Variants in GPR176 observed in about 807,000 individuals in gnomAD.
GPR176 encodes the protein G protein-coupled receptor 176.
A neutral mutation model predicts 35.4 loss-of-function variants in GPR176; 26 were observed. That is an observed-to-expected ratio of 0.74 (90% confidence interval 0.54 to 1.02). The LOEUF is 1.02. Ranked by LOEUF, GPR176 falls within the 50% of genes least tolerant of loss-of-function variation. The pLI is 0.00. For synonymous variants in GPR176, 278 were observed against 271.3 expected (o/e 1.02, Z -0.24); for missense variants, 597 against 665.3 (o/e 0.90, Z 1.13).
intron 1 of GPR176, among the ~76,000 whole-genome samples, chr15:39,875,089 C>T (rs1007372042): frequency 1.3e-5 from 2 of 152,138 alleles, no homozygotes; most frequent in East Asian, 1.9e-4. Context: ...TTCCAGCAAA[C>T]GTGAGTCTAC....
At chr15:39,866,653 A>G (rs1247205193) in intron 1 of GPR176, among the ~76,000 whole-genome samples, 1 of 152,214 alleles carries the variant, frequency 6.6e-6, no homozygotes, top group Non-Finnish European at 1.5e-5. Flanking sequence ...ATATGTATAA[A>G]AGTACCAACT....
At chr15:39,868,581 A>G (rs903018723) in intron 1 of GPR176, among the ~76,000 whole-genome samples, 3 of 152,200 alleles carry the variant, frequency 2.0e-5, no homozygotes, top group African/African-American at 4.8e-5. Flanking sequence ...CCAATGCTTT[A>G]TGCATACAGT....
intron 1 of GPR176, among the ~76,000 whole-genome samples, chr15:39,892,879 T>C (rs1167834330): frequency 6.6e-6 from 1 of 152,216 alleles, no homozygotes; most frequent in East Asian, 1.9e-4. Flanking sequence ...TTGTAGGAGT[T>C]TGTTACAGCA....
At chr15:39,842,567 A>C (rs906145452) in intron 1 of GPR176, among the ~76,000 whole-genome samples, 2 of 152,026 alleles carry the variant, frequency 1.3e-5, no homozygotes, top group Non-Finnish European at 2.9e-5. Flanking sequence ...CATGAATGGG[A>C]TTAGTACTCT....
rs568304142 is a variant in GPR176 at position 39,856,086 on chromosome 15, T to C, written c.173-48828A>G. ...ACCCAGGCAATTGATTCCAGAACCA[T>C]GCTCAAAACGACAGCAGTATGCCAC... On this transcript the variant is annotated intron_variant, in intron 1 of 2. Coordinates refer to ENST00000561100, the MANE Select transcript of GPR176 (RefSeq NM_007223.3). Among the ~76,000 whole-genome samples the C allele has an allele frequency of 2.0e-5, 3 of 152,286 alleles. No homozygotes were observed. In the East Asian group the frequency reaches 5.8e-4, roughly 29 times the overall value.
chr15:39,912,021 C>T (rs184859018), intron 1 of GPR176, among the ~76,000 whole-genome samples: 1 of 152,286 alleles, frequency 6.6e-6, no homozygotes, highest in East Asian at 1.9e-4. Context: ...GAATGGAATA[C>T]AGATACTGCT....
intron 1 of GPR176, among the ~76,000 whole-genome samples, chr15:39,895,137 G>A (rs1044234613): frequency 1.3e-5 from 2 of 152,178 alleles, no homozygotes; most frequent in Non-Finnish European, 2.9e-5. Context: ...GGAGAATCAG[G>A]CAGGGAGGTT....
At chr15:39,869,991 G>T (rs947960632) in intron 1 of GPR176, among the ~76,000 whole-genome samples, 3 of 152,134 alleles carry the variant, frequency 2.0e-5, no homozygotes, top group Admixed American at 6.5e-5. Flanking sequence ...GTTCTGGAGG[G>T]CAGAAGTCCA....
At chr15:39,841,524 C>T (rs1431119860) in intron 1 of GPR176, among the ~76,000 whole-genome samples, 1 of 152,092 alleles carries the variant, frequency 6.6e-6, no homozygotes, top group Non-Finnish European at 1.5e-5. Context: ...GGAAGACCCA[C>T]AGGAAGAAGG....
intron 1 of GPR176, among the ~76,000 whole-genome samples, chr15:39,823,039 G>C (rs1900382251): frequency 6.6e-6 from 1 of 152,228 alleles, no homozygotes; most frequent in Non-Finnish European, 1.5e-5. Flanking sequence ...CTTATGTCCA[G>C]AGTACGCTCT....
chr15:39,847,493 C>A (rs1026506539), intron 1 of GPR176, among the ~76,000 whole-genome samples: 1 of 152,026 alleles, frequency 6.6e-6, no homozygotes, highest in African/African-American at 2.4e-5. Context: ...CACCTATAAT[C>A]CCAGCACTTT....
intron 1 of GPR176, among the ~76,000 whole-genome samples, chr15:39,897,925 A>C (rs1323426519): frequency 6.6e-6 from 1 of 152,060 alleles, no homozygotes; most frequent in Non-Finnish European, 1.5e-5. Flanking sequence ...AAACCCAATT[A>C]GCTTAGTGAT....
chr15:39,815,143 A>G (rs543652840), intron 1 of GPR176, among the ~76,000 whole-genome samples: 1 of 152,358 alleles, frequency 6.6e-6, no homozygotes, highest in East Asian at 1.9e-4. Flanking sequence ...AAGACAGAAA[A>G]AGAGAGAGGT....
intron 1 of GPR176, among the ~76,000 whole-genome samples, chr15:39,888,869 A>G (rs2032765035): frequency 6.6e-6 from 1 of 152,172 alleles, no homozygotes; most frequent in African/African-American, 2.4e-5. Flanking sequence ...GTTTGCGATA[A>G]ACAGTCACCT....
At chr15:39,840,397 C>T (rs1164583432) in intron 1 of GPR176, among the ~76,000 whole-genome samples, 1 of 152,158 alleles carries the variant, frequency 6.6e-6, no homozygotes, top group Non-Finnish European at 1.5e-5. Flanking sequence ...AAACCAAACA[C>T]CGCATGTTCT....
chr15:39,869,066 C>T (rs994402), intron 1 of GPR176, among the ~76,000 whole-genome samples: 40,217 of 149,430 alleles, frequency 0.27, 5,992 homozygotes, highest in Non-Finnish European at 0.34. Context: ...TCTGAGACAT[C>T]TGAGTTTCCA....
intron 1 of GPR176, among the ~76,000 whole-genome samples, chr15:39,833,393 C>T (rs939319930): frequency 6.6e-6 from 1 of 152,090 alleles, no homozygotes; most frequent in Non-Finnish European, 1.5e-5. Context: ...ATAAAGAAGT[C>T]AGTAACAAAA....
Position 39,810,224 on chromosome 15 carries a change from C to A in GPR176, c.173-2966G>T, listed in dbSNP as rs370788879. The stretch of plus-strand genomic sequence containing the variant: ...CATGTTTACCTATGGAACAGACCTG[C>A]ACATCCTGCACATGTGGCCCTGAAC... On this transcript the variant is annotated intron_variant, in intron 1 of 2. Transcript: ENST00000561100. Among the ~76,000 whole-genome samples, 7 of 151,648 alleles carry A rather than the reference C, an allele frequency of 4.6e-5. No individual in the cohort carries two copies. The East Asian group carries it at 1.4e-3, about 29-fold the overall frequency.
intron 1 of GPR176, among the ~76,000 whole-genome samples, chr15:39,889,629 AGT>A: frequency 6.6e-6 from 1 of 152,250 alleles, no homozygotes; most frequent in South Asian, 2.1e-4. Context: ...AAAACATTAA[AGT>A]GTTATGGGAC....
Sources: allele counts gnomAD v4.1 joint callset (sites outside exome capture counted in the v4.1 genomes callset), GRCh38; gene constraint gnomAD v4.1.1; transcripts MANE v1.5; gene names NCBI Gene and HGNC (gene_info 2026-07-23, HGNC 2026-07-21).